Variants in DCAF8 observed in about 807,000 individuals in gnomAD.
The protein encoded by DCAF8 is DDB1- and CUL4-associated factor 8.
DCAF8 carries 20 observed loss-of-function variants against 68.0 expected under a neutral mutation model. That is an observed-to-expected ratio of 0.29 (90% CI 0.21 to 0.43). The LOEUF (loss-of-function observed/expected upper bound fraction) is 0.43, where lower values mean the gene tolerates loss of function less well. DCAF8 is among the 20% of genes least tolerant of loss of function. DCAF8 has a pLI of 1.00. For synonymous variants in DCAF8, 230 were observed against 276.9 expected, an observed-to-expected ratio of 0.83 and a Z score of 1.68; for missense variants, 460 against 771.0, an observed-to-expected ratio of 0.60 and a Z score of 4.78.
At chr1:160,250,890 G>T (rs920327070) in intron 2 of DCAF8, among the ~76,000 whole-genome samples, 5 of 151,866 alleles carry the variant, frequency 3.3e-5, no homozygotes, top group African/African-American at 1.2e-4. Flanking sequence ...TAAATCCTCT[G>T]GTGCCTAGGG....
intron 2 of DCAF8, among the ~76,000 whole-genome samples, chr1:160,250,406 C>T (rs12130998): frequency 0.022 from 2,813 of 128,818 alleles, 39 homozygotes; most frequent in Non-Finnish European, 0.032. Context: ...GCGGAGGTTG[C>T]GGTGAGCCAA....
intron 2 of DCAF8, among the ~76,000 whole-genome samples, chr1:160,255,185 A>C (rs1437616587): frequency 6.6e-6 from 1 of 152,196 alleles, no homozygotes; most frequent in Non-Finnish European, 1.5e-5. Flanking sequence ...GAGCTCCGTT[A>C]ATATCTTCTT....
intron 6 of DCAF8, among the ~76,000 whole-genome samples, chr1:160,235,342 C>T (rs1027869661): frequency 6.6e-6 from 1 of 151,908 alleles, no homozygotes; most frequent in Admixed American, 6.5e-5. Flanking sequence ...CCATGTTAGC[C>T]AGGCTGGTCT....
At chr1:160,248,501 C>T (rs1045374732) in intron 2 of DCAF8, among the ~76,000 whole-genome samples, 11 of 151,104 alleles carry the variant, frequency 7.3e-5, no homozygotes, top group South Asian at 6.3e-4. Flanking sequence ...TTTGGGAGGC[C>T]GAGGTGGGCA....
chr1:160,240,368 T>C lies in DCAF8; in HGVS notation c.52A>G (p.Ser18Gly). Residue 18 changes from serine to glycine, a missense_variant and splice_region_variant, in exon 4 of 14, where the codon AGC becomes GGC. By Grantham distance (56) the Ser-to-Gly change is moderately conservative (BLOSUM62 0). This residue lies in a region of DCAF8 where 156 missense variants were observed against 181.4 expected (regional missense o/e 0.86). Transcript: ENST00000368074. ...TDGRTDLANG[S>G]LSSSPEEMSG... ...ATCTCCTCTGGACTGCTAGACAGGC[T>C]TCCTGCATGTTAGTGAGGAAGGAGT... 2 of 1,604,604 alleles carry C rather than the reference T, an allele frequency of 1.2e-6. No individual in the cohort carries two copies. The highest frequency in any genetic ancestry group is 1.7e-6 in the Non-Finnish European group (2 of 1,174,532).
chr1:160,225,514 C>A, intron 8 of DCAF8, 77 bp downstream of exon 8: 1 of 1,167,906 alleles, frequency 8.6e-7, no homozygotes, highest in Non-Finnish European at 1.3e-6. Context: ...GCTCTTCCCA[C>A]CATACCAACA....
At chr1:160,259,593 TAA>T (rs1214429711) in intron 2 of DCAF8, among the ~76,000 whole-genome samples, 2 of 152,068 alleles carry the variant, frequency 1.3e-5, no homozygotes, top group African/African-American at 4.8e-5. Context: ...GATTCACTTT[TAA>T]AAAAAGAGAC....
At chr1:160,224,408 C>G (rs979387102) in intron 10 of DCAF8, 34 bp downstream of exon 10, 2 of 1,549,304 alleles carry the variant, frequency 1.3e-6, no homozygotes. Context: ...AGCCAACAGG[C>G]TTGGGCCAAA....
chr1:160,244,383 C>T (rs966912292), intron 2 of DCAF8, among the ~76,000 whole-genome samples: 2 of 152,198 alleles, frequency 1.3e-5, no homozygotes, highest in African/African-American at 4.8e-5. Context: ...CCAAGAGTCT[C>T]AACTCAATAC....
At chr1:160,228,584 C>G (rs1007690082) in intron 7 of DCAF8, among the ~76,000 whole-genome samples, 4 of 151,146 alleles carry the variant, frequency 2.6e-5, no homozygotes, top group African/African-American at 9.7e-5. Flanking sequence ...GTAGTAGGGA[C>G]TCACACCTAT....
intron 2 of DCAF8, among the ~76,000 whole-genome samples, chr1:160,253,178 C>T (rs1656668396): frequency 6.6e-6 from 1 of 152,060 alleles, no homozygotes; most frequent in African/African-American, 2.4e-5. Flanking sequence ...CAAAATTAAA[C>T]CTCTGGAAGT....
chr1:160,217,546 A>G lies in DCAF8; in HGVS notation c.*46T>C, dbSNP rs1371055848. 2 of 1,430,796 alleles carry G rather than the reference A, an allele frequency of 1.4e-6. No homozygotes were observed. Among genetic ancestry groups the G allele is most frequent in the African/African-American group, 1.4e-5 (1 of 71,398 alleles). 88.6% of individuals were successfully genotyped at this position (1,430,796 alleles called of 1,614,324 possible). A position where few individuals can be genotyped will look rare whatever the true frequency, so the allele number is the denominator to read the frequency against. Reference sequence around the variant, plus strand: ...TGGGACAGGAAAGGGTTGCCCAGGCAGGATCAGGTTGGCAGCCCCAGCCTG... The same window carrying G: ...TGGGACAGGAAAGGGTTGCCCAGGCGGGATCAGGTTGGCAGCCCCAGCCTG... On this transcript the variant is annotated 3_prime_UTR_variant, in exon 14 of 14. Transcript: ENST00000368074.
intron 2 of DCAF8, among the ~76,000 whole-genome samples, chr1:160,256,877 G>A (rs1656856686): frequency 6.6e-6 from 1 of 152,008 alleles, no homozygotes; most frequent in Non-Finnish European, 1.5e-5. Flanking sequence ...TCTGGCCCAG[G>A]AACTATGTCC....
Position 160,217,724 on chromosome 1 carries a change from G to C in DCAF8, c.1678-16C>G, listed in dbSNP as rs185463390. 24 of 1,602,702 alleles carry C rather than the reference G, an allele frequency of 1.5e-5. No homozygotes were observed. In the East Asian group the frequency reaches 4.5e-4, roughly 30 times the overall value. ...CTCGCCAGCGCTGTGGATGGGAAAG[G>C]CTTGTTAGTAACTTCCCTGGATGGA... On this transcript the variant is annotated splice_polypyrimidine_tract_variant and intron_variant, in intron 13 of 13. Coordinates refer to ENST00000368074, the MANE Select transcript of DCAF8 (RefSeq NM_015726.4).
chr1:160,256,731 C>G (rs983999369), intron 2 of DCAF8, among the ~76,000 whole-genome samples: 1 of 152,186 alleles, frequency 6.6e-6, no homozygotes, highest in Admixed American at 6.5e-5. Flanking sequence ...TAATACATTT[C>G]ATTAATAAGA....
chr1:160,261,558 C>T (rs1262054965), intron 1 of DCAF8, 200 bp from the exon 2 acceptor site: 1 of 152,176 alleles, frequency 6.6e-6, no homozygotes, highest in African/African-American at 2.4e-5. Flanking sequence ...AGAAGCCAGG[C>T]AAGTAATCTC....
intron 2 of DCAF8, among the ~76,000 whole-genome samples, chr1:160,260,782 G>T (rs1380235822): frequency 2.0e-5 from 3 of 151,266 alleles, no homozygotes; most frequent in Non-Finnish European, 4.4e-5. Context: ...GAAATAGACT[G>T]GACTCAGACA....
chr1:160,260,090 A>T (rs1354542185), intron 2 of DCAF8, among the ~76,000 whole-genome samples: 1 of 133,326 alleles, frequency 7.5e-6, no homozygotes, highest in Non-Finnish European at 1.5e-5. Flanking sequence ...ATGTGCAAAA[A>T]AAAAAAACCA....
intron 11 of DCAF8, among the ~76,000 whole-genome samples, 184 bp downstream of exon 11, chr1:160,222,467 A>T (rs1207990965): frequency 6.6e-6 from 1 of 152,232 alleles, no homozygotes; most frequent in Non-Finnish European, 1.5e-5. Flanking sequence ...GACAGAAGAT[A>T]GGAACAGGAA....
Sources: allele counts gnomAD v4.1 joint callset (sites outside exome capture counted in the v4.1 genomes callset), GRCh38; gene constraint gnomAD v4.1.1; regional missense constraint gnomAD v4.1.1; transcripts MANE v1.5; gene names NCBI Gene and HGNC (gene_info 2026-07-23, HGNC 2026-07-21).